KSR2: variants seen among roughly 807,000 people sequenced by gnomAD.
KSR2 encodes kinase suppressor of ras 2.
KSR2 carries 25 observed loss-of-function variants against 107.8 expected under a neutral mutation model. That is an observed-to-expected ratio of 0.23 (90% CI 0.17 to 0.32). The LOEUF (loss-of-function observed/expected upper bound fraction) is 0.32, where lower values mean the gene tolerates loss of function less well. Ranked by LOEUF, KSR2 falls within the 10% of genes least tolerant of loss-of-function variation. The pLI is 1.00. For missense variants in KSR2, 887 were observed against 1,268.9 expected (o/e 0.70, Z 4.57); for synonymous variants, 480 against 507.0 (o/e 0.95, Z 0.71).
chr12:117,601,747 G>A (rs1880969594), intron 5 of KSR2, among the ~76,000 whole-genome samples: 1 of 152,182 alleles, frequency 6.6e-6, no homozygotes, highest in Non-Finnish European at 1.5e-5. Context: ...CCAGTTTGCA[G>A]TAATTTTGGC....
chr12:117,558,861 G>A (rs1877907943), intron 7 of KSR2, among the ~76,000 whole-genome samples: 1 of 152,010 alleles, frequency 6.6e-6, no homozygotes, highest in Admixed American at 6.6e-5. Context: ...TGGATGGATG[G>A]GTGGATGAAT....
chr12:117,510,722 A>G (rs1325934984), intron 14 of KSR2, among the ~76,000 whole-genome samples: 1 of 152,100 alleles, frequency 6.6e-6, no homozygotes, highest in Non-Finnish European at 1.5e-5. Context: ...TACCAAAAAT[A>G]CAAAAATTAG....
intron 2 of KSR2, among the ~76,000 whole-genome samples, chr12:117,856,293 C>A (rs1893100636): frequency 6.6e-6 from 1 of 152,138 alleles, no homozygotes; most frequent in Non-Finnish European, 1.5e-5. Flanking sequence ...ACCGCCACCC[C>A]ATGTTCCCAA....
intron 4 of KSR2, among the ~76,000 whole-genome samples, chr12:117,696,907 G>A (rs371829121): frequency 4.2e-4 from 64 of 152,114 alleles, no homozygotes; most frequent in Non-Finnish European, 7.9e-4. Context: ...GAGACTGGAC[G>A]TGTTAAGCTG....
At chr12:117,603,156 A>G (rs1395361765) in intron 5 of KSR2, among the ~76,000 whole-genome samples, 1 of 152,228 alleles carries the variant, frequency 6.6e-6, no homozygotes, top group Non-Finnish European at 1.5e-5. Context: ...AGTTGTTTCA[A>G]GTTATGGGAT....
At chr12:117,626,088 C>T (rs1360528287) in intron 5 of KSR2, among the ~76,000 whole-genome samples, 2 of 151,896 alleles carry the variant, frequency 1.3e-5, no homozygotes, top group Non-Finnish European at 1.5e-5. Flanking sequence ...TTTGATTCTT[C>T]TCTCTTTTCT....
chr12:117,719,699 C>T (rs1887131933), intron 4 of KSR2, among the ~76,000 whole-genome samples: 1 of 152,214 alleles, frequency 6.6e-6, no homozygotes, highest in Admixed American at 6.5e-5. Context: ...TCCTGACAGG[C>T]CCTATTAGGT....
intron 3 of KSR2, among the ~76,000 whole-genome samples, chr12:117,837,175 C>G (rs945546392): frequency 6.6e-6 from 1 of 152,160 alleles, no homozygotes; most frequent in Non-Finnish European, 1.5e-5. Context: ...AACCCAGGGT[C>G]TCCCCTGGCT....
chr12:117,467,159 G>T lies in KSR2; in HGVS notation c.*40C>A, dbSNP rs775769642. 1.5e-6 allele frequency: 1 copy of T among 678,952 alleles called. No individual in the cohort carries two copies. The highest frequency in any genetic ancestry group is 1.8e-5 in the South Asian group (1 of 57,018). The allele number at this position is 678,952 out of a possible 1,614,324, so 42.1% of individuals were successfully genotyped here. A position where few individuals can be genotyped will look rare whatever the true frequency, so the allele number is the denominator to read the frequency against. On this transcript the variant is annotated 3_prime_UTR_variant, in exon 20 of 20. Transcript: ENST00000339824. ...GACAGAGTAGGGAGGGAGAGGTGAC[G>T]GGAGCCCAGGCAGCTGGGCGCCGTC...
At chr12:117,511,603 G>A (rs189681245) in intron 14 of KSR2, among the ~76,000 whole-genome samples, 291 of 152,258 alleles carry the variant, frequency 1.9e-3, no homozygotes, top group Middle Eastern at 0.01. Context: ...ACAGGATAAC[G>A]ATTTTAAAAA....
At chr12:117,746,793 G>T (rs898326050) in intron 4 of KSR2, among the ~76,000 whole-genome samples, 13 of 145,226 alleles carry the variant, frequency 9.0e-5, no homozygotes, top group African/African-American at 3.4e-4. Flanking sequence ...CTTCTGAAAA[G>T]AAGACATTTA....
At position 117,818,564 on chromosome 12, in the gene KSR2, A is replaced by G. The variant is rs373349688; in HGVS notation, c.472+36864T>C. On this transcript the variant is annotated intron_variant, in intron 3 of 19. Transcript: ENST00000339824. ...TATTGTGGCTGGGAGAACGCAGTGAATGAGCCCATAGCAAGTGCTTAGTGC... is the reference window on the plus strand; with the variant it reads ...TATTGTGGCTGGGAGAACGCAGTGAGTGAGCCCATAGCAAGTGCTTAGTGC... 2.0e-5 allele frequency among the ~76,000 whole-genome samples: 3 copies of G among 152,220 alleles called. No homozygotes were observed. The East Asian group carries it at 5.8e-4, about 29-fold the overall frequency.
chr12:117,855,319 G>GTTGA, intron 3 of KSR2, 109 bp downstream of exon 3: 1 of 1,454,966 alleles, frequency 6.9e-7, no homozygotes, highest in Non-Finnish European at 9.4e-7. Flanking sequence ...GCCCCCCAGG[G>GTTGA]TTGACTCTGT....
chr12:117,495,064 C>T (rs1040794234), intron 14 of KSR2, among the ~76,000 whole-genome samples: 2 of 152,216 alleles, frequency 1.3e-5, no homozygotes, highest in Admixed American at 1.3e-4. Context: ...TAGTCCCTGG[C>T]GCTGCCTGGC....
intron 3 of KSR2, among the ~76,000 whole-genome samples, chr12:117,853,049 G>A (rs1248727792): frequency 2.6e-5 from 4 of 151,982 alleles, no homozygotes; most frequent in Admixed American, 2.0e-4. Context: ...GTGATCCACC[G>A]GCCTCGGCCT....
chr12:117,465,846 T>C lies in KSR2; in HGVS notation c.*1353A>G, dbSNP rs1046901416. The C allele has an allele frequency of 7.2e-6, 1 of 138,654 alleles. No individual in the cohort carries two copies. The highest frequency in any genetic ancestry group is 2.5e-5 in the African/African-American group (1 of 40,210). 8.6% of individuals were successfully genotyped at this position (138,654 alleles called of 1,614,324 possible). On this transcript the variant is annotated 3_prime_UTR_variant, in exon 20 of 20. Coordinates refer to ENST00000339824, the MANE Select transcript of KSR2 (RefSeq NM_173598.6). Reference sequence around the variant, plus strand: ...GCAGGGGGTCAGGGCTTTGAAAACATGGGCAAATGACCCAGAGGTTCTCCT... The same window carrying C: ...GCAGGGGGTCAGGGCTTTGAAAACACGGGCAAATGACCCAGAGGTTCTCCT...
chr12:117,602,668 G>A (rs556476193), intron 5 of KSR2, among the ~76,000 whole-genome samples: 1 of 152,290 alleles, frequency 6.6e-6, no homozygotes, highest in South Asian at 2.1e-4. Context: ...GAGCACTTGT[G>A]TTGTTTCTAC....
intron 1 of KSR2, chr12:117,890,891 T>C (rs781732805): frequency 1.3e-5 from 2 of 152,094 alleles, no homozygotes; most frequent in Non-Finnish European, 2.9e-5. Flanking sequence ...CATCCCATAT[T>C]CTCCCGAGAA....
At chr12:117,549,448 C>A (rs533170406) in intron 9 of KSR2, among the ~76,000 whole-genome samples, 2 of 151,986 alleles carry the variant, frequency 1.3e-5, no homozygotes, top group Admixed American at 6.6e-5. Context: ...AAAAAAAAAA[C>A]CATATAGGCT....
Sources: gnomAD v4.1 joint callset for allele counts (sites outside exome capture counted in the v4.1 genomes callset) on GRCh38, gnomAD v4.1.1 for gene constraint, MANE v1.5 for transcripts, NCBI Gene and HGNC (gene_info 2026-07-23, HGNC 2026-07-21) for gene names.